SHROOM3: variants seen among roughly 807,000 people sequenced by gnomAD.
SHROOM3 encodes protein Shroom3.
In SHROOM3, 47 loss-of-function variants were observed where a neutral mutation model predicts 138.6. The ratio of observed to expected loss-of-function variants is 0.34; its 90% CI spans 0.27 to 0.43. The LOEUF is 0.43. Among genes scored for constraint, SHROOM3 ranks in the 20% least tolerant of loss-of-function variants. The probability of loss-of-function intolerance (pLI) is 1.00; values close to 1 mark genes in which losing one functional copy is unlikely to be tolerated. For synonymous variants in SHROOM3, 1,062 were observed against 1,063.3 expected (o/e 1.00, Z 0.02); for missense variants, 2,491 against 2,596.5 (o/e 0.96, Z 0.88).
At chr4:76,499,290 C>T (rs909791998) in intron 1 of SHROOM3, among the ~76,000 whole-genome samples, 3 of 152,190 alleles carry the variant, frequency 2.0e-5, no homozygotes, top group Non-Finnish European at 2.9e-5. Context: ...AGCCTTCTCT[C>T]ATCTGTCCCT....
At chr4:76,639,887 C>G (rs1035521509) in intron 2 of SHROOM3, among the ~76,000 whole-genome samples, 3 of 152,124 alleles carry the variant, frequency 2.0e-5, no homozygotes, top group African/African-American at 7.2e-5. Context: ...TTTCTGCAAA[C>G]TTCTTTTTTA....
In SHROOM3 at chr4:76,767,535, G is replaced by A. The variant is rs190402035; in HGVS notation, c.5350-3091G>A. ...TCTACTAAAAATACAAAATTAGCTG[G>A]GCGTGGTGGCGGGTGCCAGTAATCC... On this transcript the variant is annotated intron_variant, in intron 9 of 10. Coordinates refer to ENST00000296043, the MANE Select transcript of SHROOM3 (RefSeq NM_020859.4). Among the ~76,000 whole-genome samples the A allele has an allele frequency of 2.9e-3, 436 of 152,244 alleles. 1 individual carries two copies. Among genetic ancestry groups the A allele is most frequent in the Non-Finnish European group, 4.7e-3 (320 of 68,022 alleles).
intron 3 of SHROOM3, among the ~76,000 whole-genome samples, chr4:76,723,780 G>A (rs987634578): frequency 6.6e-6 from 1 of 152,128 alleles, no homozygotes; most frequent in African/African-American, 2.4e-5. Flanking sequence ...GTATCATAAA[G>A]GTAATATAAA....
chr4:76,457,557 T>C (rs1731053301), intron 1 of SHROOM3, among the ~76,000 whole-genome samples: 1 of 151,708 alleles, frequency 6.6e-6, no homozygotes, highest in Non-Finnish European at 1.5e-5. Flanking sequence ...AGTGGCACTA[T>C]CTCGACTCAC....
chr4:76,512,559 G>A (rs1307985779), intron 1 of SHROOM3, among the ~76,000 whole-genome samples: 2 of 152,142 alleles, frequency 1.3e-5, no homozygotes, highest in East Asian at 1.9e-4. Flanking sequence ...CAGGGTGCTT[G>A]GGGATCGAGG....
intron 10 of SHROOM3, among the ~76,000 whole-genome samples, chr4:76,771,916 A>G (rs1239446405): frequency 1.3e-5 from 2 of 152,114 alleles, no homozygotes; most frequent in Admixed American, 6.6e-5. Flanking sequence ...CATGGGATAC[A>G]TTTGTGAGCA....
At chr4:76,675,188 G>C (rs1206678334) in intron 2 of SHROOM3, among the ~76,000 whole-genome samples, 5 of 152,122 alleles carry the variant, frequency 3.3e-5, no homozygotes, top group African/African-American at 1.2e-4. Flanking sequence ...TGTGTGTAGG[G>C]AGTAGGAGGG....
chr4:76,540,239 A>G (rs1419522453), intron 1 of SHROOM3, among the ~76,000 whole-genome samples: 2 of 152,208 alleles, frequency 1.3e-5, no homozygotes, highest in East Asian at 3.8e-4. Context: ...GGAGGGAGGC[A>G]TTCCATACCT....
rs200881265 is a variant in SHROOM3 at position 76,436,338 on chromosome 4, C to CT, written c.168+118_168+119insT. 169,149 of 1,127,024 alleles carry CT rather than the reference C, an allele frequency of 0.15. 13,732 individuals carry two copies. Among genetic ancestry groups the CT allele is most frequent in the South Asian group, 0.22 (16,131 of 72,466 alleles). 69.8% of individuals were successfully genotyped at this position (1,127,024 alleles called of 1,614,324 possible). A position where few individuals can be genotyped will look rare whatever the true frequency, so the allele number is the denominator to read the frequency against. ...ATATAACTTAATTTGCTGTTTCATG[C>CT]CTTTCTGATTATCTAGAAATATTTT... On this transcript the variant is annotated intron_variant, in intron 1 of 10. Coordinates refer to ENST00000296043, the MANE Select transcript of SHROOM3 (RefSeq NM_020859.4).
At chr4:76,602,164 T>A (rs1431337948) in intron 2 of SHROOM3, among the ~76,000 whole-genome samples, 1 of 152,218 alleles carries the variant, frequency 6.6e-6, no homozygotes, top group Non-Finnish European at 1.5e-5. Flanking sequence ...ATCTTTCTCC[T>A]CTGTTTTCCT....
At chr4:76,588,924 T>G (rs1255233332) in intron 2 of SHROOM3, among the ~76,000 whole-genome samples, 1 of 152,214 alleles carries the variant, frequency 6.6e-6, no homozygotes, top group Non-Finnish European at 1.5e-5. Context: ...CCCAGCAGTC[T>G]TAATGATCAC....
chr4:76,630,237 A>C (rs1159166663), intron 2 of SHROOM3, among the ~76,000 whole-genome samples: 7 of 152,334 alleles, frequency 4.6e-5, no homozygotes, highest in African/African-American at 1.7e-4. Context: ...GAGTTAAATG[A>C]CTTGCCCAAA....
At chr4:76,688,596 A>G in intron 2 of SHROOM3, 11 of 985,416 alleles carry the variant, frequency 1.1e-5, no homozygotes, top group Non-Finnish European at 1.3e-5. Context: ...AGGGGAAAAA[A>G]TTCCTACCTC....
intron 2 of SHROOM3, among the ~76,000 whole-genome samples, chr4:76,604,711 A>G (rs1734579828): frequency 6.6e-6 from 1 of 152,230 alleles, no homozygotes; most frequent in African/African-American, 2.4e-5. Flanking sequence ...CAACCATCTA[A>G]GGCAGTATAG....
intron 1 of SHROOM3, among the ~76,000 whole-genome samples, chr4:76,472,824 A>G (rs1285591719): frequency 6.6e-6 from 1 of 151,998 alleles, no homozygotes; most frequent in Non-Finnish European, 1.5e-5. Flanking sequence ...CCTCCCAAGT[A>G]GCTGGGACTA....
intron 3 of SHROOM3, among the ~76,000 whole-genome samples, chr4:76,727,194 C>T (rs1339973350): frequency 6.6e-6 from 1 of 152,214 alleles, no homozygotes; most frequent in Non-Finnish European, 1.5e-5. Flanking sequence ...ATGATACATA[C>T]ATGAAACACC....
intron 8 of SHROOM3, among the ~76,000 whole-genome samples, chr4:76,757,459 C>T (rs551046986): frequency 2.0e-5 from 3 of 152,312 alleles, no homozygotes; most frequent in South Asian, 2.1e-4. Flanking sequence ...GGCAGAGAGG[C>T]CCTCAGAGCT....
At chr4:76,729,144 A>G (rs1488951156) in intron 3 of SHROOM3, among the ~76,000 whole-genome samples, 2 of 152,188 alleles carry the variant, frequency 1.3e-5, no homozygotes, top group South Asian at 4.2e-4. Flanking sequence ...AGGTTCTACT[A>G]TAATCTGCCC....
chr4:76,516,582 A>G (rs1258652718), intron 1 of SHROOM3, among the ~76,000 whole-genome samples: 1 of 152,108 alleles, frequency 6.6e-6, no homozygotes. Flanking sequence ...ATATGAAAAC[A>G]GGAGCATGAT....
Sources: gnomAD v4.1 joint callset for allele counts (sites outside exome capture counted in the v4.1 genomes callset) on GRCh38, gnomAD v4.1.1 for gene constraint, MANE v1.5 for transcripts, NCBI Gene and HGNC (gene_info 2026-07-23, HGNC 2026-07-21) for gene names.